Variants in TCP10L observed in about 807,000 individuals in gnomAD.
TCP10L encodes t-complex 10 like.
TCP10L carries 11 observed loss-of-function variants against 19.2 expected under a neutral mutation model. The observed-to-expected ratio is 0.57, with a 90% CI of 0.36 to 0.95. The LOEUF (loss-of-function observed/expected upper bound fraction) is 0.95. Among genes scored for constraint, TCP10L ranks in the 40% least tolerant of loss-of-function variants. TCP10L has a pLI of 0.01. For synonymous variants in TCP10L, 96 were observed against 97.2 expected, an observed-to-expected ratio of 0.99 and a Z score of 0.07; for missense variants, 247 against 263.9, an observed-to-expected ratio of 0.94 and a Z score of 0.44.
In TCP10L at chr21:32,576,430, T is replaced by C. The variant is rs549605707; in HGVS notation, c.*344A>G. ...CAAAGCCATCTTCAGCCATCCTCGA[T>C]TTCCAGCAAGACCCCAGGGCTCACC... is the stretch of plus-strand genomic sequence containing the variant. On this transcript the variant is annotated 3_prime_UTR_variant, in exon 5 of 5. Transcript: ENST00000300258. 1.9e-5 allele frequency: 15 copies of C among 810,030 alleles called. No individual in the cohort carries two copies. The East Asian group carries it at 3.8e-4, about 20-fold the overall frequency. 50.2% of individuals were successfully genotyped at this position (810,030 alleles called of 1,614,324 possible). A position where few individuals can be genotyped will look rare whatever the true frequency, so the allele number is the denominator to read the frequency against.
intron 3 of TCP10L, among the ~76,000 whole-genome samples, chr21:32,580,643 C>G (rs1011764484): frequency 6.6e-6 from 1 of 152,156 alleles, no homozygotes; most frequent in African/African-American, 2.4e-5. Context: ...TCCCCACTTA[C>G]GTTTGGAGGG....
rs943520191 is a variant in TCP10L, at chr21:32,575,581, A to G, written c.*1193T>C. 6.6e-6 allele frequency: 1 copy of G among 152,432 alleles called. No homozygotes were observed. The highest frequency in any genetic ancestry group is 6.6e-5 in the Admixed American group (1 of 15,256). 9.4% of individuals were successfully genotyped at this position (152,432 alleles called of 1,614,324 possible). A position where few individuals can be genotyped will look rare whatever the true frequency, so the allele number is the denominator to read the frequency against. On this transcript the variant is annotated 3_prime_UTR_variant, in exon 5 of 5. Transcript: ENST00000300258. ...GGGCTGTGCTGTGCATAAGGGCCACACCTGAAGCTCGGCCACACCTGAGGC... is the reference window on the plus strand; with the variant it reads ...GGGCTGTGCTGTGCATAAGGGCCACGCCTGAAGCTCGGCCACACCTGAGGC...
intron 3 of TCP10L, among the ~76,000 whole-genome samples, chr21:32,581,838 A>G (rs1397739934): frequency 2.0e-5 from 3 of 152,110 alleles, no homozygotes; most frequent in Non-Finnish European, 4.4e-5. Context: ...GATCCATTTC[A>G]TAGGGTCGTC....
intron 4 of TCP10L, among the ~76,000 whole-genome samples, chr21:32,577,862 T>C (rs1302492228): frequency 1.3e-5 from 2 of 152,214 alleles, no homozygotes; most frequent in Non-Finnish European, 2.9e-5. Context: ...CACATATTTA[T>C]TGACAGCAAG....
At chr21:32,581,343 A>G (rs1003395717) in intron 3 of TCP10L, among the ~76,000 whole-genome samples, 1 of 152,094 alleles carries the variant, frequency 6.6e-6, no homozygotes, top group Non-Finnish European at 1.5e-5. Flanking sequence ...CCTTGCACCC[A>G]TCCTCCAAGC....
intron 2 of TCP10L, among the ~76,000 whole-genome samples, chr21:32,583,512 C>G (rs1231911285): frequency 6.7e-6 from 1 of 149,120 alleles, no homozygotes; most frequent in Non-Finnish European, 1.5e-5. Flanking sequence ...TGGCGTGAAC[C>G]CGGGAGGCGG....
At position 32,582,152 on chromosome 21, in the gene TCP10L, T is replaced by C; in HGVS notation, c.360+48A>G. 6.3e-7 allele frequency: 1 copy of C among 1,598,858 alleles called. No homozygotes were observed. The highest frequency in any genetic ancestry group is 8.5e-7 in the Non-Finnish European group (1 of 1,170,040). On this transcript the variant is annotated intron_variant, in intron 3 of 4. Coordinates refer to ENST00000300258, the MANE Select transcript of TCP10L (RefSeq NM_144659.7). This position sits in a 1 kb window ranked among gnomAD's most constrained non-coding sequence, Gnocchi z 4.2. ...AGCCCACATCTTTATGGGGACGCTATTTTTACATAACGCAAACGGTACAAA... is the reference window on the plus strand; with the variant it reads ...AGCCCACATCTTTATGGGGACGCTACTTTTACATAACGCAAACGGTACAAA...
chr21:32,576,901 C>A lies in TCP10L; in HGVS notation c.521G>T (p.Arg174Ile). The change falls in exon 5 of 5, where the codon AGA becomes ATA. Residue 174 changes from arginine (R) to isoleucine (I), a missense_variant. Arg to Ile is a moderately conservative substitution (Grantham distance 97). Transcript: ENST00000300258. Reference sequence around the variant, plus strand: ...TGGTGGTGTTTTCCACGAGCTAATTCTTTCTATCTTTAAACTCATTGGCTG... The same window carrying A: ...TGGTGGTGTTTTCCACGAGCTAATTATTTCTATCTTTAAACTCATTGGCTG... ...PPKPMSLKIE[R>I]ISSWKTPPQE... 7 of 1,613,592 alleles carry A rather than the reference C, an allele frequency of 4.3e-6. No homozygotes were observed. Among genetic ancestry groups the A allele is most frequent in the Non-Finnish European group, 5.9e-6 (7 of 1,179,918 alleles).
intron 3 of TCP10L, among the ~76,000 whole-genome samples, chr21:32,579,299 A>G (rs149752401): frequency 6.6e-6 from 1 of 152,236 alleles, no homozygotes. Context: ...GATGAGGTAT[A>G]TTAGGTCTGG....
intron 4 of TCP10L, chr21:32,577,438 C>T (rs1171671816): frequency 1.3e-5 from 2 of 152,624 alleles, no homozygotes; most frequent in Non-Finnish European, 2.9e-5. Context: ...GTGACAAATG[C>T]TTGGAGTAGA....
chr21:32,577,532 G>C (rs2038448986), intron 4 of TCP10L: 1 of 152,350 alleles, frequency 6.6e-6, no homozygotes, highest in Non-Finnish European at 1.5e-5. Context: ...ATCATCTTCA[G>C]GAGTTGGGGG....
chr21:32,585,284 C>A, intron 1 of TCP10L, 137 bp downstream of exon 1: 3 of 268,378 alleles, frequency 1.1e-5, no homozygotes, highest in Admixed American at 4.5e-5. Flanking sequence ...GGTCACGGTC[C>A]TCACAGCCCT....
rs1398178309 is a variant in TCP10L, at chr21:32,582,877, G to A, written c.145-462C>T. On this transcript the variant is annotated intron_variant, in intron 2 of 4. Transcript: ENST00000300258. The surrounding 1 kb of genome is among the most constrained non-coding windows in gnomAD (Gnocchi z 4.2). ...CAAAGTGCTGGGATTACAGGAATAA[G>A]CTACCATGCCTGGCCATAGCTTTAT... Among the ~76,000 whole-genome samples, 1 of 152,072 alleles carries A rather than the reference G, an allele frequency of 6.6e-6. No homozygotes were observed.
chr21:32,581,096 C>T (rs1200501588), intron 3 of TCP10L, among the ~76,000 whole-genome samples: 4 of 152,216 alleles, frequency 2.6e-5, no homozygotes, highest in Admixed American at 6.5e-5. Flanking sequence ...AAGACCCTAG[C>T]GGGCAGAGAC....
In TCP10L at chr21:32,582,260, C is replaced by T. The variant is rs763731476; in HGVS notation, c.300G>A (p.Arg100=). 49 of 1,614,102 alleles carry T rather than the reference C, an allele frequency of 3.0e-5. No individual in the cohort carries two copies. The highest frequency in any genetic ancestry group is 4.1e-5 in the Non-Finnish European group (48 of 1,180,062). ...REKLRALQLQ[R]WKARKKSAAS... ...CTGCAGATTTCTTCCTGGCTTTCCA[C>T]CGCTGCAGCTGCAGAGCTCTCAGCT... The change falls in exon 3 of 5, where the codon CGG becomes CGA. Residue 100 remains arginine, a synonymous_variant. Transcript: ENST00000300258. The surrounding 1 kb of genome is among the most constrained non-coding windows in gnomAD (Gnocchi z 4.2).
intron 1 of TCP10L, 41 bp downstream of exon 1, chr21:32,585,380 A>G (rs2038550522): frequency 5.6e-6 from 1 of 178,834 alleles, no homozygotes. Context: ...TCCAGGGAAG[A>G]CCCTTTCCTT....
rs2038433428 is a variant in TCP10L at position 32,576,346 on chromosome 21, C to T, written c.*428G>A. On this transcript the variant is annotated 3_prime_UTR_variant, in exon 5 of 5. Transcript: ENST00000300258. ...AGCCTGGGGCAATGACAGTCACAGG[C>T]CCGCCTTGTCACAAGGTCCCTGGAG... is the stretch of plus-strand genomic sequence containing the variant. The T allele has an allele frequency of 1.4e-6, 2 of 1,431,060 alleles. No individual in the cohort carries two copies. Among genetic ancestry groups the T allele is most frequent in the South Asian group, 1.2e-5 (1 of 80,234 alleles). The allele number at this position is 1,431,060 out of a possible 1,614,324, so 88.6% of individuals were successfully genotyped here. A position where few individuals can be genotyped will look rare whatever the true frequency, so the allele number is the denominator to read the frequency against.
chr21:32,576,222 G>A lies in TCP10L; in HGVS notation c.*552C>T, dbSNP rs562278038. The A allele has an allele frequency of 1.3e-5, 19 of 1,515,458 alleles. No individual in the cohort carries two copies. The highest frequency in any genetic ancestry group is 7.3e-5 in the Admixed American group (4 of 54,910). 93.9% of individuals were successfully genotyped at this position (1,515,458 alleles called of 1,614,324 possible). On this transcript the variant is annotated 3_prime_UTR_variant, in exon 5 of 5. Coordinates refer to ENST00000300258, the MANE Select transcript of TCP10L (RefSeq NM_144659.7). ...CCCAACTCTGCTCACCAGCTCCTCC[G>A]GCTGCTGCCATCTGCTCCTGCAGCA... is the stretch of plus-strand genomic sequence containing the variant.
chr21:32,576,251 C>G lies in TCP10L; in HGVS notation c.*523G>C. 6.4e-7 allele frequency: 1 copy of G among 1,565,814 alleles called. No individual in the cohort carries two copies. Among genetic ancestry groups the G allele is most frequent in the Non-Finnish European group, 8.7e-7 (1 of 1,145,350 alleles). On this transcript the variant is annotated 3_prime_UTR_variant, in exon 5 of 5. Transcript: ENST00000300258. ...GCTGCCATCTGCTCCTGCAGCATGG[C>G]GGCCTGGGAAGCCTGCACTGGTGAT... is the stretch of plus-strand genomic sequence containing the variant.
Sources: gnomAD v4.1 joint callset for allele counts (sites outside exome capture counted in the v4.1 genomes callset) on GRCh38, gnomAD v4.1.1 for gene constraint, Gnocchi (gnomAD v3.1) non-coding constraint, MANE v1.5 for transcripts, NCBI Gene and HGNC (gene_info 2026-07-23, HGNC 2026-07-21) for gene names.